The following ULK4 variants were observed in gnomAD, a reference collection of about 807,000 sequenced individuals.
ULK4 encodes inactive serine/threonine-protein kinase ULK4.
Under a neutral mutation model 160.6 loss-of-function variants are expected in ULK4, and 133 were observed. The ratio of observed to expected loss-of-function variants is 0.83; its 90% CI spans 0.72 to 0.96. The LOEUF (loss-of-function observed/expected upper bound fraction) is 0.96, where lower values mean the gene tolerates loss of function less well. ULK4 is among the 40% of genes least tolerant of loss of function. The probability of loss-of-function intolerance (pLI) is 0.00; values close to 1 mark genes in which losing one functional copy is unlikely to be tolerated. For missense variants in ULK4, 1,580 were observed against 1,499.5 expected (o/e 1.05, Z -0.89); for synonymous variants, 534 against 539.8 (o/e 0.99, Z 0.15).
intron 32 of ULK4, among the ~76,000 whole-genome samples, chr3:41,505,996 C>A (rs2085359505): frequency 6.6e-6 from 1 of 151,864 alleles, no homozygotes; most frequent in Non-Finnish European, 1.5e-5. Flanking sequence ...TCTTAGTAAA[C>A]CAAAAGTTTT....
At chr3:41,765,413 T>TC (rs1575668587) in intron 21 of ULK4, among the ~76,000 whole-genome samples, 1 of 149,440 alleles carries the variant, frequency 6.7e-6, no homozygotes, top group Non-Finnish European at 1.5e-5. Flanking sequence ...TGTCATGGGG[T>TC]GGGGGAGTGG....
At chr3:41,884,776 C>G (rs1295652396) in intron 16 of ULK4, among the ~76,000 whole-genome samples, 1 of 152,184 alleles carries the variant, frequency 6.6e-6, no homozygotes, top group South Asian at 2.1e-4. Context: ...TATCACAACT[C>G]TAACATACAG....
chr3:41,575,256 G>C (rs756880394), intron 31 of ULK4, among the ~76,000 whole-genome samples: 7 of 152,192 alleles, frequency 4.6e-5, no homozygotes, highest in Non-Finnish European at 8.8e-5. Flanking sequence ...AGAAAGACCA[G>C]GATTTAGGGG....
At chr3:41,880,137 G>C (rs1179473535) in intron 17 of ULK4, among the ~76,000 whole-genome samples, 1 of 152,014 alleles carries the variant, frequency 6.6e-6, no homozygotes, top group East Asian at 1.9e-4. Context: ...ATTCCTTTCA[G>C]TTTTAGAATT....
chr3:41,552,410 T>C (rs1432482642), intron 32 of ULK4, among the ~76,000 whole-genome samples: 1 of 151,818 alleles, frequency 6.6e-6, no homozygotes, highest in Non-Finnish European at 1.5e-5. Flanking sequence ...TTTAGTAAAG[T>C]AGAATGCAAA....
chr3:41,502,937 G>T (rs1575320923), intron 32 of ULK4, among the ~76,000 whole-genome samples: 1 of 152,002 alleles, frequency 6.6e-6, no homozygotes, highest in African/African-American at 2.4e-5. Flanking sequence ...CAATAGACCT[G>T]GTTAAATGTA....
chr3:41,341,756 G>A (rs1277990492), intron 35 of ULK4, among the ~76,000 whole-genome samples: 1 of 152,172 alleles, frequency 6.6e-6, no homozygotes, highest in Non-Finnish European at 1.5e-5. Context: ...GCCCTGCTAA[G>A]CATCCCCACG....
At chr3:41,561,827 A>AT (rs2087584117) in intron 32 of ULK4, among the ~76,000 whole-genome samples, 1 of 151,996 alleles carries the variant, frequency 6.6e-6, no homozygotes, top group Admixed American at 6.6e-5. Flanking sequence ...GGATTCACTG[A>AT]TTTTTTGAAG....
chr3:41,629,158 A>G (rs1397123388), intron 30 of ULK4, among the ~76,000 whole-genome samples: 1 of 152,210 alleles, frequency 6.6e-6, no homozygotes, highest in Non-Finnish European at 1.5e-5. Context: ...TCTGTGGGTC[A>G]TGAATTTCGG....
chr3:41,368,293 C>T (rs1269799592), intron 35 of ULK4, among the ~76,000 whole-genome samples: 1 of 152,074 alleles, frequency 6.6e-6, no homozygotes, highest in Non-Finnish European at 1.5e-5. Flanking sequence ...TCGTGATCCA[C>T]CCAACTCGGC....
chr3:41,616,205 T>C (rs1041655925), intron 30 of ULK4, among the ~76,000 whole-genome samples: 9 of 152,198 alleles, frequency 5.9e-5, no homozygotes, highest in South Asian at 4.1e-4. Flanking sequence ...CACTAGGCAC[T>C]TTCCCTCATC....
chr3:41,283,570 T>G (rs1255978550), intron 35 of ULK4, among the ~76,000 whole-genome samples: 1 of 152,122 alleles, frequency 6.6e-6, no homozygotes, highest in Non-Finnish European at 1.5e-5. Flanking sequence ...CCACATGTTC[T>G]CACTCATAGG....
At chr3:41,839,931 TC>T (rs1289161622) in intron 17 of ULK4, among the ~76,000 whole-genome samples, 1 of 151,956 alleles carries the variant, frequency 6.6e-6, no homozygotes, top group Non-Finnish European at 1.5e-5. Flanking sequence ...TCAAAGAACA[TC>T]TAAATAAATG....
At chr3:41,544,290 C>A (rs2700440) in intron 32 of ULK4, among the ~76,000 whole-genome samples, 1 of 152,000 alleles carries the variant, frequency 6.6e-6, no homozygotes, top group Admixed American at 6.6e-5. Context: ...ATTCATTTAG[C>A]TCAGTGGCCA....
intron 18 of ULK4, among the ~76,000 whole-genome samples, chr3:41,822,296 G>C (rs1054044704): frequency 6.6e-6 from 1 of 152,166 alleles, no homozygotes; most frequent in Non-Finnish European, 1.5e-5. Context: ...CGGTGCACCA[G>C]AAACTCTTCT....
intron 35 of ULK4, among the ~76,000 whole-genome samples, chr3:41,371,832 A>G (rs1023857133): frequency 3.9e-5 from 6 of 152,192 alleles, no homozygotes; most frequent in South Asian, 4.2e-4. Flanking sequence ...GAAGGTGGGT[A>G]ATAATAAACT....
chr3:41,289,586 G>C (rs2079520334), intron 35 of ULK4, among the ~76,000 whole-genome samples: 1 of 152,118 alleles, frequency 6.6e-6, no homozygotes, highest in Non-Finnish European at 1.5e-5. Context: ...TAAAAGCCTG[G>C]GCAGTACCCT....
chr3:41,935,017 A>ATT (rs10635589), intron 4 of ULK4, among the ~76,000 whole-genome samples: 79,924 of 112,854 alleles, frequency 0.71, 29,872 homozygotes, highest in South Asian at 0.81. Flanking sequence ...TTATTTATTA[A>ATT]TTTTTTTTTT....
intron 17 of ULK4, among the ~76,000 whole-genome samples, chr3:41,865,271 TAAAAAAAA>T (rs55741060): frequency 5.4e-4 from 16 of 29,896 alleles, no homozygotes; most frequent in Admixed American, 2.3e-3. Flanking sequence ...ACTCTGTCTT[TAAAAAAAA>T]AAAAAAAAAA....
Sources: allele counts gnomAD v4.1 joint callset (sites outside exome capture counted in the v4.1 genomes callset), GRCh38; gene constraint gnomAD v4.1.1; transcripts MANE v1.5; gene names NCBI Gene and HGNC (gene_info 2026-07-23, HGNC 2026-07-21).